GRIK1: variants seen among roughly 807,000 people sequenced by gnomAD.
The protein encoded by GRIK1 is glutamate receptor ionotropic, kainate 1.
Under a neutral mutation model 105.7 loss-of-function variants are expected in GRIK1, and 69 were observed. The ratio of observed to expected loss-of-function variants is 0.65; its 90% CI spans 0.54 to 0.80. The LOEUF is 0.80. Among genes scored for constraint, GRIK1 ranks in the 30% least tolerant of loss-of-function variants. The probability of loss-of-function intolerance (pLI) is 0.00; values close to 1 mark genes in which losing one functional copy is unlikely to be tolerated. For missense variants in GRIK1, 1,109 were observed against 1,167.3 expected (o/e 0.95, Z 0.73); for synonymous variants, 438 against 431.3 (o/e 1.02, Z -0.19).
chr21:29,596,532 C>T lies in GRIK1; in HGVS notation c.1245G>A (p.Trp415Ter), dbSNP rs769686738. Residue 415 changes from tryptophan (W) to a stop codon, truncating the protein, a stop_gained, in exon 9 of 18, where the codon TGG becomes TGA. Coordinates refer to ENST00000327783, the MANE Select transcript of GRIK1 (RefSeq NM_001330994.2). LOFTEE classifies it high-confidence loss of function. ...TTGTTGTCAGAGTACAAACCTTCTT[C>T]CACACTTTATACAAGTGTTTAGACA... ...GEVSKHLYKV[W>*]KKIGIWNSNS... The T allele has an allele frequency of 6.2e-7, 1 of 1,606,894 alleles. No homozygotes were observed. Among genetic ancestry groups the T allele is most frequent in the Non-Finnish European group, 8.5e-7 (1 of 1,173,522 alleles).
chr21:29,603,702 C>T (rs1378469780), intron 7 of GRIK1, among the ~76,000 whole-genome samples: 1 of 152,110 alleles, frequency 6.6e-6, no homozygotes, highest in African/African-American at 2.4e-5. Flanking sequence ...TAAACGAGAG[C>T]CATGAAATAA....
chr21:29,633,521 A>G (rs1385164585), intron 7 of GRIK1, among the ~76,000 whole-genome samples: 1 of 151,818 alleles, frequency 6.6e-6, no homozygotes, highest in Non-Finnish European at 1.5e-5. Context: ...ATAAAAATAA[A>G]TAAATAAATA....
chr21:29,686,831 T>A (rs1278770759), intron 3 of GRIK1, among the ~76,000 whole-genome samples: 1 of 152,226 alleles, frequency 6.6e-6, no homozygotes, highest in Non-Finnish European at 1.5e-5. Context: ...TGCCACACAC[T>A]GCAGTTGAGG....
At chr21:29,665,223 T>C (rs993422059) in intron 4 of GRIK1, among the ~76,000 whole-genome samples, 2 of 152,124 alleles carry the variant, frequency 1.3e-5, no homozygotes, top group African/African-American at 4.8e-5. Context: ...TATGGGCAAA[T>C]TGCACACACC....
chr21:29,687,358 T>A (rs1446699809), intron 3 of GRIK1, among the ~76,000 whole-genome samples: 1 of 152,114 alleles, frequency 6.6e-6, no homozygotes, highest in African/African-American at 2.4e-5. Context: ...CTTTTTATGG[T>A]GTGATAATTA....
At position 29,906,851 on chromosome 21, in the gene GRIK1, C is replaced by T. The variant is rs1416085641; in HGVS notation, c.118+32532G>A. 2.0e-5 allele frequency among the ~76,000 whole-genome samples: 3 copies of T among 151,870 alleles called. No homozygotes were observed. The East Asian group carries it at 5.8e-4, about 29-fold the overall frequency. On this transcript the variant is annotated intron_variant, in intron 1 of 17. Coordinates refer to ENST00000327783, the MANE Select transcript of GRIK1 (RefSeq NM_001330994.2). ...AATTTTATTTCTGAATAAAATAATT[C>T]CTTAGGACTAACTACATGAAGGGTT...
At position 29,764,810 on chromosome 21, in the gene GRIK1, T is replaced by A. The variant is rs182318281; in HGVS notation, c.119-70747A>T. ...GTGAACTTCCTTTTGATAGTTTGGA[T>A]GCAAAAATTAAATATATTATAAACG... On this transcript the variant is annotated intron_variant, in intron 1 of 17. Coordinates refer to ENST00000327783, the MANE Select transcript of GRIK1 (RefSeq NM_001330994.2). 9.7e-4 allele frequency among the ~76,000 whole-genome samples: 148 copies of A among 152,304 alleles called. 2 individuals carry two copies. The highest frequency in any genetic ancestry group is 3.2e-3 in the African/African-American group (135 of 41,584).
At chr21:29,545,683 C>T (rs756283368) in intron 16 of GRIK1, among the ~76,000 whole-genome samples, 3 of 150,392 alleles carry the variant, frequency 2.0e-5, no homozygotes, top group African/African-American at 7.4e-5. Context: ...GCTAAACTGA[C>T]CGTGATGTGT....
intron 6 of GRIK1, among the ~76,000 whole-genome samples, chr21:29,646,568 C>T (rs1174670306): frequency 6.6e-6 from 1 of 152,168 alleles, no homozygotes; most frequent in African/African-American, 2.4e-5. Flanking sequence ...AGTCAGATGC[C>T]ACCTCATCTT....
At chr21:29,761,962 G>A (rs1182442076) in intron 1 of GRIK1, among the ~76,000 whole-genome samples, 1 of 152,102 alleles carries the variant, frequency 6.6e-6, no homozygotes, top group Non-Finnish European at 1.5e-5. Context: ...TGGCCAGGCT[G>A]GTCTTGAACT....
chr21:29,762,413 C>A (rs2065550680), intron 1 of GRIK1, among the ~76,000 whole-genome samples: 1 of 152,202 alleles, frequency 6.6e-6, no homozygotes, highest in African/African-American at 2.4e-5. Context: ...GGTTCACTGT[C>A]TCATTCTGCA....
At chr21:29,831,101 T>C (rs544441514) in intron 1 of GRIK1, among the ~76,000 whole-genome samples, 33 of 152,262 alleles carry the variant, frequency 2.2e-4, no homozygotes, top group Admixed American at 8.5e-4. Flanking sequence ...TTACAAAAGA[T>C]AAAAATATTG....
Position 29,588,830 on chromosome 21 carries a change from G to T in GRIK1, c.1569+9C>A, listed in dbSNP as rs748062852. On this transcript the variant is annotated intron_variant, in intron 11 of 17. Coordinates refer to ENST00000327783, the MANE Select transcript of GRIK1 (RefSeq NM_001330994.2). Reference sequence around the variant, plus strand: ...TATTTTCAGATATGTTAGAAATATTGTTACTTACGTGATCTATGAGTTCTT... The same window carrying T: ...TATTTTCAGATATGTTAGAAATATTTTTACTTACGTGATCTATGAGTTCTT... The T allele has an allele frequency of 2.8e-6, 4 of 1,407,092 alleles. No individual in the cohort carries two copies. Among genetic ancestry groups the T allele is most frequent in the Non-Finnish European group, 4.0e-6 (4 of 994,210 alleles). 87.2% of individuals were successfully genotyped at this position (1,407,092 alleles called of 1,614,324 possible). A position where few individuals can be genotyped will look rare whatever the true frequency, so the allele number is the denominator to read the frequency against.
intron 6 of GRIK1, among the ~76,000 whole-genome samples, chr21:29,647,698 A>G (rs113445961): frequency 0.048 from 7,305 of 152,294 alleles, 267 homozygotes; most frequent in Non-Finnish European, 0.073. Flanking sequence ...CAGTCTATCC[A>G]AAAGCTGAAA....
At chr21:29,808,153 G>A (rs1288453116) in intron 1 of GRIK1, among the ~76,000 whole-genome samples, 2 of 152,102 alleles carry the variant, frequency 1.3e-5, no homozygotes, top group Non-Finnish European at 1.5e-5. Context: ...AATAAGGGAG[G>A]GAAGTTTTGT....
intron 1 of GRIK1, among the ~76,000 whole-genome samples, chr21:29,919,424 C>A (rs1189373793): frequency 6.6e-6 from 1 of 152,120 alleles, no homozygotes; most frequent in Non-Finnish European, 1.5e-5. Flanking sequence ...AGGATGTATT[C>A]CAGGCTCTCT....
chr21:29,549,442 T>C (rs1187431803), intron 16 of GRIK1, among the ~76,000 whole-genome samples: 1 of 152,206 alleles, frequency 6.6e-6, no homozygotes, highest in Non-Finnish European at 1.5e-5. Flanking sequence ...GTGACTTAAT[T>C]TGGGAAAAAA....
intron 14 of GRIK1, among the ~76,000 whole-genome samples, chr21:29,565,564 C>T (rs1829565929): frequency 6.6e-6 from 1 of 150,514 alleles, no homozygotes; most frequent in South Asian, 2.2e-4. Flanking sequence ...TCCTGAGTAG[C>T]TGGGATTACA....
At chr21:29,703,701 A>G (rs1461464152) in intron 1 of GRIK1, among the ~76,000 whole-genome samples, 2 of 152,236 alleles carry the variant, frequency 1.3e-5, no homozygotes, top group Admixed American at 6.5e-5. Flanking sequence ...GTGAATGGAC[A>G]GAAGAGATTG....
Sources: allele counts gnomAD v4.1 joint callset (sites outside exome capture counted in the v4.1 genomes callset), GRCh38; gene constraint gnomAD v4.1.1; transcripts MANE v1.5; gene names NCBI Gene and HGNC (gene_info 2026-07-23, HGNC 2026-07-21).